The following FRMD1 variants were observed in gnomAD, a reference collection of about 807,000 sequenced individuals.
FRMD1 encodes the protein FERM domain-containing protein 1.
In FRMD1, 51 loss-of-function variants were observed where a neutral mutation model predicts 54.9. That is an observed-to-expected ratio of 0.93 (90% CI 0.74 to 1.17). FRMD1 has a LOEUF of 1.17. Among genes scored for constraint, FRMD1 ranks in the 50% most tolerant of loss-of-function variants. The probability of loss-of-function intolerance (pLI) is 0.00; values close to 1 mark genes in which losing one functional copy is unlikely to be tolerated. For synonymous variants in FRMD1, 324 were observed against 306.4 expected (o/e 1.06, Z -0.60); for missense variants, 729 against 743.0 (o/e 0.98, Z 0.22).
upstream of FRMD1, chr6:168,081,334 T>A (rs1244897341): frequency 2.6e-6 from 4 of 1,518,140 alleles, no homozygotes; most frequent in Non-Finnish European, 2.6e-6. Context: ...GCCCCAACAC[T>A]GACCCCACCT....
upstream of FRMD1, among the ~76,000 whole-genome samples, chr6:168,085,917 G>A (rs73030351): frequency 0.037 from 5,626 of 151,808 alleles, 121 homozygotes; most frequent in African/African-American, 0.061. Context: ...TGCAGGACTA[G>A]GGCAGAACTT....
intron 4 of FRMD1, chr6:168,065,662 C>CA (rs1258016939): frequency 1.0e-6 from 1 of 986,824 alleles, no homozygotes; most frequent in African/African-American, 1.7e-5. Flanking sequence ...TATTCACACA[C>CA]CCCTCACTCT....
At chr6:168,087,549 G>T (rs1246871414) in intron 1 of FRMD1, among the ~76,000 whole-genome samples, 1 of 152,208 alleles carries the variant, frequency 6.6e-6, no homozygotes, top group Admixed American at 6.5e-5. Flanking sequence ...TGGGGAGAAC[G>T]CAGGCTGCTG....
chr6:168,067,380 T>G lies in FRMD1; in HGVS notation c.371A>C (p.Lys124Thr). ...LSKYFSKDWK[K>T]ERNEGNEKPR... ...CTCTACACTTACTTCATTTCTTTCT[T>G]TCTTCCAATCTTTTGAGAAGTACTT... is the stretch of plus-strand genomic sequence containing the variant. The change falls in exon 3 of 11, where the codon AAA becomes ACA. Residue 124 changes from lysine to threonine, a missense_variant. Lys to Thr is a moderately conservative substitution (Grantham distance 78, BLOSUM62 -1). Transcript: ENST00000283309. 1.2e-6 allele frequency: 2 copies of G among 1,601,550 alleles called. No individual in the cohort carries two copies. The highest frequency in any genetic ancestry group is 1.7e-6 in the Non-Finnish European group (2 of 1,172,926).
chr6:168,066,160 G>C, intron 4 of FRMD1: 5 of 986,658 alleles, frequency 5.1e-6, no homozygotes, highest in Non-Finnish European at 6.0e-6. Context: ...CCCACCCCCG[G>C]ATGGTATACC....
intron 7 of FRMD1, chr6:168,062,575 C>T (rs531842323): frequency 2.5e-5 from 32 of 1,263,606 alleles, no homozygotes; most frequent in Admixed American, 9.0e-5. Flanking sequence ...AAGGGACCTG[C>T]ACCTCTTCGG....
chr6:168,081,501 G>A (rs746121347), upstream of FRMD1: 23 of 1,532,562 alleles, frequency 1.5e-5, no homozygotes, highest in African/African-American at 4.1e-5. Context: ...AGTCCTCCTC[G>A]GCCCAACTCT....
At chr6:168,071,604 G>A (rs1016333108) in intron 2 of FRMD1, among the ~76,000 whole-genome samples, 1 of 152,228 alleles carries the variant, frequency 6.6e-6, no homozygotes, top group African/African-American at 2.4e-5. Context: ...AGGCCAGTGA[G>A]CTCGGCCACA....
At chr6:168,068,288 T>C (rs891421350) in intron 2 of FRMD1, among the ~76,000 whole-genome samples, 4 of 152,224 alleles carry the variant, frequency 2.6e-5, no homozygotes, top group Non-Finnish European at 4.4e-5. Flanking sequence ...TACCAGCATG[T>C]GTTTTCTTTA....
chr6:168,077,052 G>T (rs1377532678), intron 1 of FRMD1, among the ~76,000 whole-genome samples: 1 of 152,010 alleles, frequency 6.6e-6, no homozygotes, highest in Non-Finnish European at 1.5e-5. Flanking sequence ...CCCAACAGAG[G>T]GTTCCTCTCC....
At chr6:168,065,910 TG>T in intron 4 of FRMD1, 1 of 1,000,296 alleles carries the variant, frequency 1.0e-6, no homozygotes, top group Non-Finnish European at 1.2e-6. Flanking sequence ...CCTGAAGCTC[TG>T]TTCTGGAAGT....
At chr6:168,065,475 G>T (rs1799981793) in intron 4 of FRMD1, 50 of 997,098 alleles carry the variant, frequency 5.0e-5, no homozygotes, top group Non-Finnish European at 5.8e-5. Flanking sequence ...GCCCAGCACG[G>T]GGCTTGGCCA....
intron 3 of FRMD1, chr6:168,067,150 A>T: frequency 1.4e-6 from 1 of 702,792 alleles, no homozygotes; most frequent in Non-Finnish European, 2.6e-6. Flanking sequence ...AGAAGGCAGC[A>T]CATTGGTCCA....
At chr6:168,066,654 G>T in intron 4 of FRMD1, 101 bp downstream of exon 4, 2 of 1,454,320 alleles carry the variant, frequency 1.4e-6, no homozygotes, top group African/African-American at 1.4e-5. Flanking sequence ...TTTGTTTTTG[G>T]ATAAACTCAA....
chr6:168,086,425 T>C (rs1032353592), upstream of FRMD1, among the ~76,000 whole-genome samples: 7 of 145,792 alleles, frequency 4.8e-5, no homozygotes. Flanking sequence ...ACCCCTAGCA[T>C]GGATGCCCAT....
chr6:168,058,465 A>T (rs1489297290), intron 10 of FRMD1, among the ~76,000 whole-genome samples: 2 of 151,126 alleles, frequency 1.3e-5, no homozygotes, highest in Non-Finnish European at 2.9e-5. Flanking sequence ...CACGATAACT[A>T]ATCAGCCACA....
chr6:168,072,482 G>A (rs1239205804), intron 2 of FRMD1, among the ~76,000 whole-genome samples: 2 of 152,238 alleles, frequency 1.3e-5, no homozygotes, highest in Non-Finnish European at 2.9e-5. Flanking sequence ...GATGCCCTGG[G>A]GCGTTTCTCG....
At chr6:168,069,317 AT>A (rs1315804358) in intron 2 of FRMD1, among the ~76,000 whole-genome samples, 3 of 152,250 alleles carry the variant, frequency 2.0e-5, no homozygotes, top group Non-Finnish European at 4.4e-5. Flanking sequence ...AGCCACAATC[AT>A]TCTATTACAT....
At chr6:168,081,223 A>G, upstream of FRMD1, 2 of 873,494 alleles carry the variant, frequency 2.3e-6, no homozygotes, top group East Asian at 2.9e-5. Flanking sequence ...GGTGGTCGCC[A>G]TGAGTACCTC....
Sources: gnomAD v4.1 joint callset for allele counts (sites outside exome capture counted in the v4.1 genomes callset) on GRCh38, gnomAD v4.1.1 for gene constraint, MANE v1.5 for transcripts, NCBI Gene and HGNC (gene_info 2026-07-23, HGNC 2026-07-21) for gene names.